ARFGEF1: variants seen among roughly 807,000 people sequenced by gnomAD.
ARFGEF1 encodes the protein ARF guanine nucleotide exchange factor 1.
In ARFGEF1, 42 loss-of-function variants were observed where a neutral mutation model predicts 231.0. The ratio of observed to expected loss-of-function variants is 0.18; its 90% CI spans 0.14 to 0.24. The LOEUF (loss-of-function observed/expected upper bound fraction) is 0.24, where lower values mean the gene tolerates loss of function less well. ARFGEF1 is among the 10% of genes least tolerant of loss of function. The pLI is 1.00. For missense variants in ARFGEF1, 1,345 were observed against 2,192.0 expected (o/e 0.61, Z 7.72); for synonymous variants, 710 against 732.3 (o/e 0.97, Z 0.49).
rs538502573 is a variant in ARFGEF1, at chr8:67,309,288, C to T, written c.125-6822G>A. Reference sequence around the variant, plus strand: ...ACATAAATGGGGAAAAGAGAGATAGCGATCAAAGGATACAAAATTTCAGCT... The same window carrying T: ...ACATAAATGGGGAAAAGAGAGATAGTGATCAAAGGATACAAAATTTCAGCT... On this transcript the variant is annotated intron_variant, in intron 1 of 38. Coordinates refer to ENST00000262215, the MANE Select transcript of ARFGEF1 (RefSeq NM_006421.5). Among the ~76,000 whole-genome samples, 15 of 152,182 alleles carry T rather than the reference C, an allele frequency of 9.9e-5. No homozygotes were observed. The South Asian group carries it at 3.1e-3, about 32-fold the overall frequency.
chr8:67,180,447 G>A (rs191840360), intron 5 of ARFGEF1, among the ~76,000 whole-genome samples: 2 of 152,288 alleles, frequency 1.3e-5, no homozygotes, highest in African/African-American at 4.8e-5. Flanking sequence ...AGGGAGAGGT[G>A]TATATGGTTA....
chr8:67,270,577 C>G (rs1416662648), intron 10 of ARFGEF1, among the ~76,000 whole-genome samples: 1 of 151,538 alleles, frequency 6.6e-6, no homozygotes, highest in Admixed American at 6.6e-5. Context: ...ATTTCAAAAC[C>G]ATACAACATC....
intron 1 of ARFGEF1, among the ~76,000 whole-genome samples, chr8:67,310,168 G>A (rs983000568): frequency 6.6e-6 from 1 of 152,068 alleles, no homozygotes; most frequent in Non-Finnish European, 1.5e-5. Context: ...GCCGAAGCTG[G>A]ACTGTACTGC....
At chr8:67,313,980 TG>T (rs1258364674) in intron 1 of ARFGEF1, among the ~76,000 whole-genome samples, 1 of 151,990 alleles carries the variant, frequency 6.6e-6, no homozygotes, top group Non-Finnish European at 1.5e-5. Context: ...CCCAGGTCAC[TG>T]GAGTTGTGTA....
At chr8:67,190,228 G>A (rs1291094712) in intron 5 of ARFGEF1, among the ~76,000 whole-genome samples, 1 of 152,214 alleles carries the variant, frequency 6.6e-6, no homozygotes, top group Non-Finnish European at 1.5e-5. Flanking sequence ...ATATGATGGA[G>A]TATTATTCAG....
At chr8:67,227,073 C>T in intron 27 of ARFGEF1, 64 bp downstream of exon 27, 1 of 1,419,770 alleles carries the variant, frequency 7.0e-7, no homozygotes, top group South Asian at 1.4e-5. Flanking sequence ...GAATCATCTT[C>T]TGAACACGTT....
rs73693193 is a variant in ARFGEF1 at position 67,296,315 on chromosome 8, A to T, written c.639+116T>A. 29 of 978,710 alleles carry T rather than the reference A, an allele frequency of 3.0e-5. No individual in the cohort carries two copies. The African/African-American group carries it at 4.0e-4, about 14-fold the overall frequency. 60.6% of individuals were successfully genotyped at this position (978,710 alleles called of 1,614,324 possible). A position where few individuals can be genotyped will look rare whatever the true frequency, so the allele number is the denominator to read the frequency against. On this transcript the variant is annotated intron_variant, in intron 5 of 38. Transcript: ENST00000262215. ...CAAATCTCCAGTAAGTGGAAATGTA[A>T]ATAAAAGACATTCTTTTCTACAGGT...
chr8:67,331,422 C>T (rs1024978496), intron 1 of ARFGEF1, among the ~76,000 whole-genome samples: 1 of 152,112 alleles, frequency 6.6e-6, no homozygotes, highest in African/African-American at 2.4e-5. Flanking sequence ...GTATTTCACT[C>T]TTCTACCATG....
intron 1 of ARFGEF1, among the ~76,000 whole-genome samples, chr8:67,319,379 A>G (rs1201273807): frequency 6.6e-6 from 1 of 152,202 alleles, no homozygotes; most frequent in Admixed American, 6.5e-5. Context: ...GATCAATGGA[A>G]TAGAGTCCAG....
chr8:67,187,118 C>A (rs569881434), intron 5 of ARFGEF1, among the ~76,000 whole-genome samples: 1 of 152,228 alleles, frequency 6.6e-6, no homozygotes, highest in East Asian at 1.9e-4. Flanking sequence ...CAGGATGACT[C>A]AGTATTGTCA....
chr8:67,179,288 G>C lies in ARFGEF1; in HGVS notation c.561-3716C>G, dbSNP rs185134944. Among the ~76,000 whole-genome samples the C allele has an allele frequency of 6.4e-4, 98 of 152,014 alleles. 1 individual carries two copies. In the South Asian group the frequency reaches 0.02, roughly 30 times the overall value. Reference sequence around the variant, plus strand: ...ATACTATATGCTCCACTATATCTGTGCTGCATCATTGTGGCAATTGCTGTC... The same window carrying C: ...ATACTATATGCTCCACTATATCTGTCCTGCATCATTGTGGCAATTGCTGTC... On this transcript the variant is annotated intron_variant, in intron 5 of 5. Coordinates refer to the ARFGEF1 transcript ENST00000518789.
intron 22 of ARFGEF1, among the ~76,000 whole-genome samples, chr8:67,235,051 A>G (rs1375701635): frequency 2.0e-5 from 3 of 150,154 alleles, no homozygotes; most frequent in Non-Finnish European, 4.4e-5. Flanking sequence ...TTCTGTGGGG[A>G]AAAAATATGT....
At chr8:67,264,964 T>G (rs60490300) in intron 14 of ARFGEF1, among the ~76,000 whole-genome samples, 1 of 152,168 alleles carries the variant, frequency 6.6e-6, no homozygotes, top group Non-Finnish European at 1.5e-5. Context: ...GTACCAAATA[T>G]GTGTTTACTG....
chr8:67,204,954 T>C (rs1283958094), intron 34 of ARFGEF1, 135 bp from the exon 35 acceptor site: 1 of 1,049,904 alleles, frequency 9.5e-7, no homozygotes, highest in African/African-American at 1.6e-5. Flanking sequence ...ATACTGCTTT[T>C]GCACACAGGC....
At chr8:67,277,604 T>C in intron 7 of ARFGEF1, 147 bp from the exon 8 acceptor site, 1 of 681,424 alleles carries the variant, frequency 1.5e-6, no homozygotes. Flanking sequence ...TTAGCATACT[T>C]ACTACTAAAT....
intron 19 of ARFGEF1, among the ~76,000 whole-genome samples, chr8:67,241,321 A>G (rs1218044278): frequency 6.6e-6 from 1 of 152,248 alleles, no homozygotes; most frequent in Admixed American, 6.5e-5. Context: ...CACTACAGAG[A>G]GAAGCTGAGA....
intron 5 of ARFGEF1, among the ~76,000 whole-genome samples, chr8:67,186,848 A>T (rs755046710): frequency 6.6e-6 from 1 of 152,230 alleles, no homozygotes; most frequent in Non-Finnish European, 1.5e-5. Context: ...TGAATATATA[A>T]AAGTCAGTCA....
chr8:67,252,753 T>TA (rs958842014), intron 18 of ARFGEF1, among the ~76,000 whole-genome samples: 1 of 152,174 alleles, frequency 6.6e-6, no homozygotes, highest in African/African-American at 2.4e-5. Flanking sequence ...TGGTGTTAGT[T>TA]AGACCTAAGG....
At chr8:67,203,586 G>C (rs1838409540) in intron 35 of ARFGEF1, among the ~76,000 whole-genome samples, 1 of 151,990 alleles carries the variant, frequency 6.6e-6, no homozygotes. Context: ...TTAGTAACTG[G>C]CTGGCAAAAT....
Sources: allele counts gnomAD v4.1 joint callset (sites outside exome capture counted in the v4.1 genomes callset), GRCh38; gene constraint gnomAD v4.1.1; transcripts MANE v1.5; gene names NCBI Gene and HGNC (gene_info 2026-07-23, HGNC 2026-07-21).